STIM2: variants seen among roughly 807,000 people sequenced by gnomAD.
STIM2 encodes stromal interaction molecule 2.
Under a neutral mutation model 85.8 loss-of-function variants are expected in STIM2, and 31 were observed. The observed-to-expected ratio is 0.36, with a 90% CI of 0.27 to 0.49. STIM2 has a LOEUF of 0.49. Among genes scored for constraint, STIM2 ranks in the 20% least tolerant of loss-of-function variants. The pLI, the probability that STIM2 is intolerant of heterozygous loss-of-function variation, is 0.98. For synonymous variants in STIM2, 356 were observed against 331.1 expected (o/e 1.08, Z -0.82); for missense variants, 841 against 927.6 (o/e 0.91, Z 1.21).
At position 26,885,841 on chromosome 4, in the gene STIM2, A is replaced by G. The variant is rs796314789; in HGVS notation, c.151+24472A>G. On this transcript the variant is annotated intron_variant, in intron 1 of 11. Transcript: ENST00000467087. ...TCAGGTTATATATATATATATATAT[A>G]TATATATATATATATATATATATAT... Among the ~76,000 whole-genome samples, 8 of 33,452 alleles carry G rather than the reference A, an allele frequency of 2.4e-4. No individual in the cohort carries two copies. In the South Asian group the frequency reaches 4.1e-3, roughly 17 times the overall value. The allele number at this position is 33,452 out of a possible 152,430, so 21.9% of individuals were successfully genotyped here.
Position 27,022,796 on chromosome 4 carries a change from A to G in STIM2, c.2041A>G (p.Met681Val). The G allele has an allele frequency of 6.2e-7, 1 of 1,614,224 alleles. No individual in the cohort carries two copies. The highest frequency in any genetic ancestry group is 8.5e-7 in the Non-Finnish European group (1 of 1,180,048). The change falls in exon 12 of 12, where the codon ATG (methionine) becomes GTG (valine). Residue 681 changes from methionine (M) to valine (V), a missense_variant. Physicochemically the swap from Met to Val is conservative, Grantham distance 21. Transcript: ENST00000467087. ...TGGCATTTTGGAGAAATCCTGTAGC[A>G]TGAACCAGCTTTCCAGTGGCATCCC...
intron 1 of STIM2, among the ~76,000 whole-genome samples, chr4:26,904,787 A>C (rs1406144412): frequency 1.4e-5 from 2 of 142,164 alleles, no homozygotes; most frequent in African/African-American, 5.2e-5. Context: ...AAAGGATGGG[A>C]GCAAAAGCCC....
At chr4:26,906,699 A>G (rs1459275630) in intron 1 of STIM2, among the ~76,000 whole-genome samples, 1 of 152,152 alleles carries the variant, frequency 6.6e-6, no homozygotes, top group Non-Finnish European at 1.5e-5. Context: ...TGGAAATGAT[A>G]TTCTGTAGAT....
intron 1 of STIM2, among the ~76,000 whole-genome samples, chr4:26,872,749 T>A (rs1722670692): frequency 6.6e-6 from 1 of 152,206 alleles, no homozygotes; most frequent in Non-Finnish European, 1.5e-5. Flanking sequence ...ATACAAATAC[T>A]ATTTTGAGTT....
intron 1 of STIM2, among the ~76,000 whole-genome samples, chr4:26,897,646 T>C (rs1302340673): frequency 6.6e-6 from 1 of 152,264 alleles, no homozygotes; most frequent in Non-Finnish European, 1.5e-5. Context: ...TATGCATTGC[T>C]GTCCTTTATT....
intron 1 of STIM2, among the ~76,000 whole-genome samples, chr4:26,894,496 A>G (rs1163468968): frequency 6.8e-6 from 1 of 146,738 alleles, no homozygotes; most frequent in African/African-American, 2.5e-5. Flanking sequence ...TCTGATTTCC[A>G]TTTTTTTCCT....
chr4:26,957,402 C>A (rs1265163287), intron 2 of STIM2, among the ~76,000 whole-genome samples: 1 of 152,062 alleles, frequency 6.6e-6, no homozygotes, highest in Non-Finnish European at 1.5e-5. Flanking sequence ...ACTGCTGTTG[C>A]TGGTGGTGGT....
chr4:26,963,117 T>C (rs1225753346), intron 3 of STIM2, among the ~76,000 whole-genome samples: 1 of 152,172 alleles, frequency 6.6e-6, no homozygotes, highest in East Asian at 1.9e-4. Flanking sequence ...ACCTAAAGGC[T>C]AGCCAGAGAC....
intron 1 of STIM2, among the ~76,000 whole-genome samples, chr4:26,862,457 G>A (rs1027441092): frequency 6.6e-6 from 1 of 152,048 alleles, no homozygotes; most frequent in Non-Finnish European, 1.5e-5. Flanking sequence ...TCCTGCGGGC[G>A]TCTGGAAGTT....
rs75144408 is a variant in STIM2, at chr4:26,905,618, G to A, written c.152-13886G>A. On this transcript the variant is annotated intron_variant, in intron 1 of 11. Transcript: ENST00000467087. ...TTAGTCCTTTCTTACAGTCTTGGTC[G>A]TGTTTTGTTGATCCTTATAAAAAAG... Among the ~76,000 whole-genome samples, 1,393 of 152,256 alleles carry A rather than the reference G, an allele frequency of 9.1e-3. 29 individuals carry two copies. The highest frequency in any genetic ancestry group is 0.032 in the African/African-American group (1,311 of 41,548).
chr4:26,893,347 A>G (rs1723567816), intron 1 of STIM2, among the ~76,000 whole-genome samples: 1 of 151,938 alleles, frequency 6.6e-6, no homozygotes, highest in Admixed American at 6.6e-5. Context: ...TTTACTTTTT[A>G]CAATTTGTGT....
intron 2 of STIM2, among the ~76,000 whole-genome samples, chr4:26,923,419 C>A (rs540299529): frequency 6.6e-6 from 1 of 151,742 alleles, no homozygotes; most frequent in Non-Finnish European, 1.5e-5. Context: ...TCATATCCAG[C>A]CAAACTAAGC....
At chr4:27,001,812 G>A (rs111604886) in intron 5 of STIM2, among the ~76,000 whole-genome samples, 5 of 152,204 alleles carry the variant, frequency 3.3e-5, no homozygotes, top group Non-Finnish European at 5.9e-5. Flanking sequence ...TGAGAGAAAC[G>A]TGACAGCTGC....
At chr4:26,970,199 GTATATA>G in intron 3 of STIM2, among the ~76,000 whole-genome samples, 1 of 91,140 alleles carries the variant, frequency 1.1e-5, no homozygotes. Flanking sequence ...TAGTGTGTGT[GTATATA>G]TATATATATA....
chr4:26,943,193 A>C (rs1190610237), intron 2 of STIM2, among the ~76,000 whole-genome samples: 14 of 150,730 alleles, frequency 9.3e-5, no homozygotes, highest in Admixed American at 9.3e-4. Flanking sequence ...CTTTTTTTTC[A>C]TTAATTGGAA....
In STIM2 at chr4:26,861,007, C is replaced by T. The variant is rs1332601444; in HGVS notation, c.-212C>T. ...CCGGAGGCCGCCGGTGCCGATGGGA[C>T]CAGGCTGGCGCCCGGCGGGAGCCCG... On this transcript the variant is annotated 5_prime_UTR_variant, in exon 1 of 12. Coordinates refer to ENST00000467087, the MANE Select transcript of STIM2 (RefSeq NM_020860.4). 6.3e-6 allele frequency: 8 copies of T among 1,275,318 alleles called. No individual in the cohort carries two copies. The Admixed American group carries it at 1.3e-4, about 22-fold the overall frequency. The allele number at this position is 1,275,318 out of a possible 1,614,324, so 79.0% of individuals were successfully genotyped here. A position where few individuals can be genotyped will look rare whatever the true frequency, so the allele number is the denominator to read the frequency against.
intron 2 of STIM2, among the ~76,000 whole-genome samples, chr4:26,940,638 TGA>T (rs1437511797): frequency 1.3e-5 from 2 of 152,188 alleles, no homozygotes; most frequent in African/African-American, 4.8e-5. Flanking sequence ...CTCTCTGAGT[TGA>T]GTTTTATTAT....
At chr4:26,979,198 G>A (rs1727297726) in intron 3 of STIM2, among the ~76,000 whole-genome samples, 2 of 152,114 alleles carry the variant, frequency 1.3e-5, no homozygotes, top group African/African-American at 4.8e-5. Context: ...AGTTTACCTA[G>A]AATCTCCAAA....
rs546967642 is a variant in STIM2 at position 26,921,494 on chromosome 4, C to T, written c.282+1860C>T. On this transcript the variant is annotated intron_variant, in intron 2 of 11. Transcript: ENST00000467087. ...TCAACTCCGCCACTATAGTGTGAAG[C>T]GGCCATAGACAGTACAAGAACTAAC... is the stretch of plus-strand genomic sequence containing the variant. Among the ~76,000 whole-genome samples the T allele has an allele frequency of 1.2e-4, 19 of 152,290 alleles. No individual in the cohort carries two copies. The East Asian group carries it at 2.3e-3, about 19-fold the overall frequency.
Sources: allele counts gnomAD v4.1 joint callset (sites outside exome capture counted in the v4.1 genomes callset), GRCh38; gene constraint gnomAD v4.1.1; transcripts MANE v1.5; gene names NCBI Gene and HGNC (gene_info 2026-07-23, HGNC 2026-07-21).